The following IGF1R variants were observed in gnomAD, a reference collection of about 807,000 sequenced individuals.
The protein encoded by IGF1R is insulin-like growth factor 1 receptor.
In IGF1R, 44 loss-of-function variants were observed where a neutral mutation model predicts 144.6. That is an observed-to-expected ratio of 0.30 (90% CI 0.24 to 0.39). IGF1R has a LOEUF of 0.39. Ranked by LOEUF, IGF1R falls within the 10% of genes least tolerant of loss-of-function variation. IGF1R has a pLI of 1.00. For missense variants in IGF1R, 1,355 were observed against 1,833.7 expected (o/e 0.74, Z 4.77); for synonymous variants, 795 against 722.8 (o/e 1.10, Z -1.60).
At chr15:98,806,330 C>A (rs2056470124) in intron 2 of IGF1R, among the ~76,000 whole-genome samples, 1 of 152,148 alleles carries the variant, frequency 6.6e-6, no homozygotes. Flanking sequence ...ATGTGCTAAG[C>A]CAGCCGAGGG....
chr15:98,649,718 C>A, intron 1 of IGF1R, 43 bp downstream of exon 1: 1 of 1,434,768 alleles, frequency 7.0e-7, no homozygotes, highest in Non-Finnish European at 9.8e-7. Context: ...GGGAACTTTT[C>A]CTCCGAGGGG....
rs565072737 is a variant in IGF1R, at chr15:98,776,144, TTTTA to T, written c.640+68049_640+68052del. ...GGAGGGTGGAAGGGGCAAGAGAAAT[TTTTA>T]TTTATTTATTTTAATTTAATTATTT... On this transcript the variant is annotated intron_variant, in intron 2 of 20. Transcript: ENST00000650285. Among the ~76,000 whole-genome samples the T allele has an allele frequency of 2.0e-3, 306 of 151,680 alleles. 1 individual carries two copies. Among genetic ancestry groups the T allele is most frequent in the African/African-American group, 7.3e-3 (301 of 41,500 alleles).
rs758609703 is a variant in IGF1R, at chr15:98,916,698, G to A, written c.2023G>A (p.Asp675Asn). The part of the protein sequence containing the change: ...KDKIPIRKYA[D>N]GTIDIEEVTE... Reference sequence around the variant, plus strand: ...CAAAATCCCCATCAGGAAGTATGCCGACGGCACCATCGACATTGAGGAGGT... The same window carrying A: ...CAAAATCCCCATCAGGAAGTATGCCAACGGCACCATCGACATTGAGGAGGT... Residue 675 changes from aspartate (D) to asparagine (N), a missense_variant, in exon 10 of 21, where the codon GAC becomes AAC. By Grantham distance (23) the Asp-to-Asn change is conservative (BLOSUM62 1). This residue lies in a region of IGF1R where 880 missense variants were observed against 1,202.7 expected (regional missense o/e 0.73). Transcript: ENST00000650285. The A allele has an allele frequency of 3.7e-6, 6 of 1,613,972 alleles. No homozygotes were observed. The highest frequency in any genetic ancestry group is 2.2e-5 in the South Asian group (2 of 91,064).
intron 2 of IGF1R, among the ~76,000 whole-genome samples, chr15:98,836,613 A>G (rs931649648): frequency 1.1e-4 from 17 of 152,142 alleles, no homozygotes; most frequent in Admixed American, 8.5e-4. Context: ...CTCACAGCCA[A>G]GAAATTAACA....
intron 2 of IGF1R, among the ~76,000 whole-genome samples, chr15:98,830,603 A>ACCTTTTTTTTTTTTTTTTT (rs949484748): frequency 7.5e-6 from 1 of 133,722 alleles, no homozygotes; most frequent in African/African-American, 3.3e-5. Flanking sequence ...TCTGATCATC[A>ACCTTTTTTTTTTTTTTTTT]TCTTTTTTTT....
Position 98,935,234 on chromosome 15 carries a change from C to T in IGF1R, c.3187-82C>T, listed in dbSNP as rs1473131677. ...CCTGTGCTCAGACCAGGCCGCAGCA[C>T]CACAGAGACAGTTCCAGACAACACA... On this transcript the variant is annotated intron_variant, in intron 16 of 20. Transcript: ENST00000650285. The surrounding 1 kb of genome is among the most constrained non-coding windows in gnomAD (Gnocchi z 4.2). 1.9e-6 allele frequency: 2 copies of T among 1,048,452 alleles called. No individual in the cohort carries two copies. The highest frequency in any genetic ancestry group is 1.6e-5 in the African/African-American group (1 of 63,266). The allele number at this position is 1,048,452 out of a possible 1,614,324, so 64.9% of individuals were successfully genotyped here.
chr15:98,727,748 G>T (rs991495799), intron 2 of IGF1R, among the ~76,000 whole-genome samples: 53 of 152,282 alleles, frequency 3.5e-4, no homozygotes, highest in Non-Finnish European at 1.2e-4. Context: ...CCTCCGGGTG[G>T]GTCCAGCACC....
Position 98,707,704 on chromosome 15 carries a change from G to C in IGF1R, c.237G>C (p.Thr79=). ...GCAGCTACCGCTTCCCCAAGCTCAC[G>C]GTCATTACCGAGTACTTGCTGCTGT... ...DYRSYRFPKL[T]VITEYLLLFR... Residue 79 remains threonine, a synonymous_variant, in exon 2 of 21, where the codon ACG becomes ACC. Transcript: ENST00000650285. This position sits in a 1 kb window ranked among gnomAD's most constrained non-coding sequence, Gnocchi z 6.7. The C allele has an allele frequency of 2.5e-6, 4 of 1,614,108 alleles. No individual in the cohort carries two copies. Among genetic ancestry groups the C allele is most frequent in the Non-Finnish European group, 3.4e-6 (4 of 1,180,018 alleles).
intron 2 of IGF1R, among the ~76,000 whole-genome samples, chr15:98,802,840 G>A (rs1008180811): frequency 1.3e-5 from 2 of 152,066 alleles, no homozygotes; most frequent in South Asian, 2.1e-4. Flanking sequence ...TTTTCCTACA[G>A]GAAACTTATT....
chr15:98,843,084 T>C (rs1280912939), intron 2 of IGF1R, among the ~76,000 whole-genome samples: 1 of 152,260 alleles, frequency 6.6e-6, no homozygotes, highest in African/African-American at 2.4e-5. Context: ...GTTGTGCCTC[T>C]TGTTTGCTCA....
At chr15:98,684,690 G>A (rs1003560875) in intron 1 of IGF1R, among the ~76,000 whole-genome samples, 1 of 152,166 alleles carries the variant, frequency 6.6e-6, no homozygotes, top group Admixed American at 6.5e-5. Context: ...CCACTGGGTT[G>A]CTGTGGATGA....
chr15:98,835,920 G>A (rs927933420), intron 2 of IGF1R, among the ~76,000 whole-genome samples: 1 of 152,180 alleles, frequency 6.6e-6, no homozygotes, highest in Non-Finnish European at 1.5e-5. Context: ...GAAGGTGTTG[G>A]GGGTACAGGG....
At position 98,895,020 on chromosome 15, in the gene IGF1R, C is replaced by CAA. The variant is rs368393677; in HGVS notation, c.954-1723_954-1722dup. 3.8e-3 allele frequency among the ~76,000 whole-genome samples: 427 copies of CAA among 112,492 alleles called. 10 individuals carry two copies. Among genetic ancestry groups the CAA allele is most frequent in the South Asian group, 5.1e-3 (18 of 3,522 alleles). 73.8% of individuals were successfully genotyped at this position (112,492 alleles called of 152,430 possible). A position where few individuals can be genotyped will look rare whatever the true frequency, so the allele number is the denominator to read the frequency against. ...TGGGCGACAGAGTGAGACCCTGTCTCAAAAAAAAAAAAAAAGACAGATTGT... is the reference window on the plus strand; with the variant it reads ...TGGGCGACAGAGTGAGACCCTGTCTCAAAAAAAAAAAAAAAAAGACAGATTGT... On this transcript the variant is annotated intron_variant, in intron 3 of 20. Coordinates refer to ENST00000650285, the MANE Select transcript of IGF1R (RefSeq NM_000875.5).
chr15:98,671,550 C>G (rs563511296), intron 1 of IGF1R, among the ~76,000 whole-genome samples: 11 of 152,312 alleles, frequency 7.2e-5, no homozygotes, highest in African/African-American at 2.6e-4. Context: ...TTCATTTATC[C>G]TGGCCCTTCT....
At chr15:98,824,339 T>C (rs1373916326) in intron 2 of IGF1R, 1 of 152,304 alleles carries the variant, frequency 6.6e-6, no homozygotes. Flanking sequence ...TTTCCTCTGC[T>C]CTTTCAGTCC....
intron 13 of IGF1R, among the ~76,000 whole-genome samples, chr15:98,926,440 C>G (rs758257959): frequency 6.6e-6 from 1 of 152,026 alleles, no homozygotes; most frequent in African/African-American, 2.4e-5. Flanking sequence ...ATTGCTGAGA[C>G]AATAGATTTT....
At chr15:98,777,612 C>A (rs2055751226) in intron 2 of IGF1R, among the ~76,000 whole-genome samples, 1 of 152,224 alleles carries the variant, frequency 6.6e-6, no homozygotes, top group African/African-American at 2.4e-5. Context: ...CGGGGAATGA[C>A]CCCTGTGGGG....
intron 2 of IGF1R, among the ~76,000 whole-genome samples, chr15:98,755,236 C>T (rs2055119013): frequency 6.6e-6 from 1 of 151,816 alleles, no homozygotes; most frequent in African/African-American, 2.4e-5. Flanking sequence ...GTATGGATAT[C>T]AATTTAGGTC....
At chr15:98,925,497 C>T (rs2015678311) in intron 13 of IGF1R, among the ~76,000 whole-genome samples, 1 of 152,226 alleles carries the variant, frequency 6.6e-6, no homozygotes, top group Non-Finnish European at 1.5e-5. Context: ...TCAAATTTGG[C>T]ATAACACATA....
Sources: gnomAD v4.1 joint callset for allele counts (sites outside exome capture counted in the v4.1 genomes callset) on GRCh38, gnomAD v4.1.1 for gene constraint, gnomAD v4.1.1 regional missense constraint, Gnocchi (gnomAD v3.1) non-coding constraint, MANE v1.5 for transcripts, NCBI Gene and HGNC (gene_info 2026-07-23, HGNC 2026-07-21) for gene names.